KLF17: variants seen among roughly 807,000 people sequenced by gnomAD.
KLF17 encodes the protein Krueppel-like factor 17.
A neutral mutation model predicts 34.2 loss-of-function variants in KLF17; 31 were observed. That is an observed-to-expected ratio of 0.91 (90% CI 0.68 to 1.22). The LOEUF (loss-of-function observed/expected upper bound fraction) is 1.22. Ranked by LOEUF, KLF17 falls within the 50% of genes most tolerant of loss-of-function variation. The probability of loss-of-function intolerance (pLI) is 0.00; values close to 1 mark genes in which losing one functional copy is unlikely to be tolerated. For missense variants in KLF17, 478 were observed against 505.2 expected (o/e 0.95, Z 0.52); for synonymous variants, 179 against 186.7 (o/e 0.96, Z 0.34).
chr1:44,083,791 C>T, the KLF17 span, among the ~76,000 whole-genome samples: 1 of 40,056 alleles, frequency 2.5e-5, no homozygotes, highest in Non-Finnish European at 4.7e-5. Flanking sequence ...GAGACTCTGT[C>T]TCAAAAAAAA....
intron 1 of KLF17, among the ~76,000 whole-genome samples, chr1:44,127,081 T>TTA (rs2088017311): frequency 6.7e-6 from 1 of 149,530 alleles, no homozygotes; most frequent in South Asian, 2.1e-4. Context: ...TTTTTTTTTT[T>TTA]AATTCTTTGT....
the KLF17 span, among the ~76,000 whole-genome samples, chr1:44,069,512 G>GA: frequency 0.03 from 3,376 of 113,094 alleles, 30 homozygotes; most frequent in African/African-American, 0.046. This position sits in a 1 kb window ranked among gnomAD's most constrained non-coding sequence, Gnocchi z 4.7. Flanking sequence ...GAGAGAGAGA[G>GA]AAGACAGGAG....
the KLF17 span, chr1:44,088,243 C>T: frequency 6.6e-6 from 1 of 152,506 alleles, no homozygotes; most frequent in Non-Finnish European, 1.5e-5. Flanking sequence ...CTCAGCCCCC[C>T]AAGTAGCTGG....
At chr1:44,102,127 A>T in the KLF17 span, among the ~76,000 whole-genome samples, 1,251 of 152,320 alleles carry the variant, frequency 8.2e-3, 9 homozygotes, top group Non-Finnish European at 0.014. Flanking sequence ...AATATGGTAG[A>T]TATTAATCCA....
At chr1:44,119,340 T>C (rs186997667) in intron 1 of KLF17, among the ~76,000 whole-genome samples, 4 of 150,156 alleles carry the variant, frequency 2.7e-5, no homozygotes, top group Admixed American at 2.0e-4. Context: ...GGCAACTTTC[T>C]GGTGAGGGAC....
At chr1:44,076,647 C>T in the KLF17 span, 2 of 151,672 alleles carry the variant, frequency 1.3e-5, no homozygotes, top group African/African-American at 4.8e-5. Flanking sequence ...CTAACTTTTC[C>T]TATGTTTATT....
At chr1:44,075,273 C>G in the KLF17 span, among the ~76,000 whole-genome samples, 1 of 152,188 alleles carries the variant, frequency 6.6e-6, no homozygotes, top group South Asian at 2.1e-4. Context: ...CAGCATAGGT[C>G]TCAATTCTCA....
the KLF17 span, among the ~76,000 whole-genome samples, chr1:44,087,724 T>TTATATATATATA: frequency 1.3e-5 from 1 of 75,648 alleles, no homozygotes; most frequent in African/African-American, 4.6e-5. Context: ...CCTATATATT[T>TTATATATATATA]TATATATATA....
chr1:44,112,273 T>G, the KLF17 span, among the ~76,000 whole-genome samples: 1 of 152,214 alleles, frequency 6.6e-6, no homozygotes, highest in Non-Finnish European at 1.5e-5. Context: ...CGATGAAGTC[T>G]AAGCCTGTAC....
chr1:44,127,042 G>A (rs2088016054), intron 1 of KLF17, among the ~76,000 whole-genome samples: 2 of 149,338 alleles, frequency 1.3e-5, no homozygotes, highest in East Asian at 3.9e-4. Context: ...GACCACAGGC[G>A]CATGCTACCA....
chr1:44,122,169 C>A (rs1571985254), intron 1 of KLF17: 1 of 1,584,090 alleles, frequency 6.3e-7, no homozygotes, highest in East Asian at 2.2e-5. Context: ...CCTAGGACCC[C>A]CTCTTCCTCT....
chr1:44,110,980 G>T, the KLF17 span, among the ~76,000 whole-genome samples: 1 of 151,648 alleles, frequency 6.6e-6, no homozygotes, highest in African/African-American at 2.4e-5. Flanking sequence ...TTAGTTAAAC[G>T]CATTATTCTG....
the KLF17 span, chr1:44,074,994 C>T: frequency 4.7e-4 from 72 of 152,238 alleles, no homozygotes; most frequent in African/African-American, 1.6e-3. Context: ...TTCTTACCTT[C>T]AAGAGGAATT....
chr1:44,087,724 TTATATATA>T, the KLF17 span, among the ~76,000 whole-genome samples: 341 of 75,474 alleles, frequency 4.5e-3, no homozygotes, highest in East Asian at 0.017. Context: ...CCTATATATT[TTATATATA>T]TATATATATA....
At chr1:44,062,319 A>C in the KLF17 span, among the ~76,000 whole-genome samples, 1 of 152,188 alleles carries the variant, frequency 6.6e-6, no homozygotes, top group African/African-American at 2.4e-5. Flanking sequence ...GGCATCTCTT[A>C]TTTTATATTA....
the KLF17 span, among the ~76,000 whole-genome samples, chr1:44,087,362 C>T: frequency 2.6e-5 from 4 of 151,858 alleles, no homozygotes; most frequent in African/African-American, 4.8e-5. Context: ...CTCAGGGGAT[C>T]CTCCTACCTC....
the KLF17 span, among the ~76,000 whole-genome samples, chr1:44,102,825 C>T: frequency 1.8e-3 from 264 of 149,376 alleles, 3 homozygotes; most frequent in African/African-American, 6.1e-3. Flanking sequence ...TACTTTCTAC[C>T]TATTTTTTCT....
the KLF17 span, among the ~76,000 whole-genome samples, chr1:44,079,757 T>G: frequency 6.6e-6 from 1 of 152,148 alleles, no homozygotes; most frequent in Admixed American, 6.6e-5. Flanking sequence ...ATTTTTTCCA[T>G]CCAGATAGCC....
the KLF17 span, among the ~76,000 whole-genome samples, chr1:44,092,047 A>AC: frequency 1.3e-5 from 2 of 151,208 alleles, no homozygotes; most frequent in South Asian, 2.1e-4. Context: ...AAAAAAAAAA[A>AC]AACTTGCTCT....
Sources: gnomAD v4.1 joint callset for allele counts (sites outside exome capture counted in the v4.1 genomes callset) on GRCh38, gnomAD v4.1.1 for gene constraint, Gnocchi (gnomAD v3.1) non-coding constraint, MANE v1.5 for transcripts, NCBI Gene and HGNC (gene_info 2026-07-23, HGNC 2026-07-21) for gene names.